The following DPP10 variants were observed in gnomAD, a reference collection of about 807,000 sequenced individuals.
The protein encoded by DPP10 is inactive dipeptidyl peptidase 10.
A neutral mutation model predicts 120.9 loss-of-function variants in DPP10; 33 were observed. That is an observed-to-expected ratio of 0.27 (90% CI 0.21 to 0.37). The LOEUF is 0.37. Ranked by LOEUF, DPP10 falls within the 10% of genes least tolerant of loss-of-function variation. The probability of loss-of-function intolerance (pLI) is 1.00; values close to 1 mark genes in which losing one functional copy is unlikely to be tolerated. For synonymous variants in DPP10, 337 were observed against 326.1 expected, an observed-to-expected ratio of 1.03 and a Z score of -0.36; for missense variants, 816 against 942.8, an observed-to-expected ratio of 0.87 and a Z score of 1.76.
At chr2:115,419,636 C>T (rs1199175358) in intron 3 of DPP10, among the ~76,000 whole-genome samples, 1 of 152,088 alleles carries the variant, frequency 6.6e-6, no homozygotes, top group Non-Finnish European at 1.5e-5. Context: ...GTATCAAATG[C>T]TTTACCCAAT....
chr2:115,522,571 C>T lies in DPP10; in HGVS notation c.367-3327C>T, dbSNP rs185344704. ...CATACCTTGTCTTTCTTGCTTAATT[C>T]ATCTAGTTAATCACCTGCATATTTG... On this transcript the variant is annotated intron_variant, in intron 4 of 25. Transcript: ENST00000410059. Among the ~76,000 whole-genome samples the T allele has an allele frequency of 3.2e-3, 481 of 152,298 alleles. 2 individuals carry two copies. The highest frequency in any genetic ancestry group is 5.2e-3 in the Admixed American group (79 of 15,290).
chr2:115,770,972 A>T (rs1047358504), intron 13 of DPP10, among the ~76,000 whole-genome samples: 3 of 152,140 alleles, frequency 2.0e-5, no homozygotes, highest in African/African-American at 7.2e-5. Context: ...ATTTAATTGT[A>T]TTCCTAATAT....
chr2:115,370,671 C>T (rs1372233887), intron 3 of DPP10, among the ~76,000 whole-genome samples: 2 of 152,136 alleles, frequency 1.3e-5, no homozygotes. Flanking sequence ...GCCTATTTTA[C>T]TGTCTATTTC....
At chr2:115,199,576 A>G (rs1395441348) in intron 1 of DPP10, among the ~76,000 whole-genome samples, 2 of 152,220 alleles carry the variant, frequency 1.3e-5, no homozygotes, top group Non-Finnish European at 2.9e-5. Flanking sequence ...AGAACAATGT[A>G]GCACTATCTT....
At chr2:114,763,114 G>GATCTTGAACACACCCTTGA (rs1279384367) in intron 1 of DPP10, among the ~76,000 whole-genome samples, 1 of 152,152 alleles carries the variant, frequency 6.6e-6, no homozygotes, top group Non-Finnish European at 1.5e-5. Context: ...ATTCTAGGAG[G>GATCTTGAACACACCCTTGA]ACGTGGTGTG....
intron 1 of DPP10, chr2:115,066,812 T>A (rs1039974430): frequency 6.6e-6 from 1 of 152,222 alleles, no homozygotes; most frequent in Non-Finnish European, 1.5e-5. Context: ...AAAATGTCTA[T>A]ATTTTCAGCA....
chr2:115,387,768 C>T (rs564070717), intron 3 of DPP10, among the ~76,000 whole-genome samples: 1 of 152,162 alleles, frequency 6.6e-6, no homozygotes, highest in East Asian at 1.9e-4. Context: ...AATACAAGCC[C>T]TGGGTCAGTG....
intron 1 of DPP10, among the ~76,000 whole-genome samples, chr2:115,282,588 C>T (rs1348920861): frequency 1.3e-5 from 2 of 152,022 alleles, no homozygotes; most frequent in African/African-American, 2.4e-5. Context: ...TTGGTGTTTA[C>T]AGCCAAGCAG....
At chr2:115,403,647 A>G (rs2068284437) in intron 3 of DPP10, among the ~76,000 whole-genome samples, 1 of 151,794 alleles carries the variant, frequency 6.6e-6, no homozygotes, top group Non-Finnish European at 1.5e-5. Context: ...TGATCCATCC[A>G]CCTGCTTCAG....
rs919919528 is a variant in DPP10, at chr2:115,844,796, G to C, written c.*2451G>C. 2.2e-4 allele frequency: 33 copies of C among 152,154 alleles called. No individual in the cohort carries two copies. The highest frequency in any genetic ancestry group is 7.7e-4 in the African/African-American group (32 of 41,448). 9.4% of individuals were successfully genotyped at this position (152,154 alleles called of 1,614,324 possible). A position where few individuals can be genotyped will look rare whatever the true frequency, so the allele number is the denominator to read the frequency against. ...AATTCTTTAATTAAATAGGTAAGCAGTATTAAATCATCCACAGAGATAAAC... is the reference window on the plus strand; with the variant it reads ...AATTCTTTAATTAAATAGGTAAGCACTATTAAATCATCCACAGAGATAAAC... On this transcript the variant is annotated 3_prime_UTR_variant, in exon 26 of 26. Transcript: ENST00000410059.
At chr2:115,464,480 G>T (rs1410068345) in intron 3 of DPP10, among the ~76,000 whole-genome samples, 1 of 151,818 alleles carries the variant, frequency 6.6e-6, no homozygotes, top group African/African-American at 2.4e-5. Context: ...CCTGACACCT[G>T]CCCTGTGTCT....
At chr2:115,223,596 TA>T (rs1413392570) in intron 1 of DPP10, among the ~76,000 whole-genome samples, 1 of 151,906 alleles carries the variant, frequency 6.6e-6, no homozygotes, top group Non-Finnish European at 1.5e-5. Flanking sequence ...CAGCTGAAAG[TA>T]AAGAAAATGA....
At chr2:115,685,313 G>A (rs756778225) in intron 5 of DPP10, among the ~76,000 whole-genome samples, 3 of 151,900 alleles carry the variant, frequency 2.0e-5, no homozygotes, top group Non-Finnish European at 2.9e-5. Context: ...CTTCGACTAA[G>A]TCAACTAGTA....
chr2:114,615,807 T>C (rs1693631696), intron 1 of DPP10, among the ~76,000 whole-genome samples: 1 of 152,132 alleles, frequency 6.6e-6, no homozygotes, highest in African/African-American at 2.4e-5. Context: ...TCAAAAATGA[T>C]TCTGAAATGT....
At chr2:114,990,481 G>A (rs1033318041) in intron 1 of DPP10, among the ~76,000 whole-genome samples, 1 of 151,808 alleles carries the variant, frequency 6.6e-6, no homozygotes, top group Non-Finnish European at 1.5e-5. Flanking sequence ...ATTTGTTTGT[G>A]ATTCTCCAGA....
chr2:115,257,920 TAAGAG>T (rs753610909), intron 1 of DPP10, among the ~76,000 whole-genome samples: 58 of 152,308 alleles, frequency 3.8e-4, no homozygotes, highest in South Asian at 8.3e-4. Context: ...GTTTTTTTGT[TAAGAG>T]AAGGATTCAA....
chr2:115,534,956 G>C (rs1469147905), intron 5 of DPP10, among the ~76,000 whole-genome samples: 2 of 150,806 alleles, frequency 1.3e-5, no homozygotes, highest in Non-Finnish European at 3.0e-5. Flanking sequence ...TTTTGATGGG[G>C]TTGTTTGTTT....
At chr2:114,803,431 C>A (rs1222266072) in intron 1 of DPP10, among the ~76,000 whole-genome samples, 6 of 152,098 alleles carry the variant, frequency 3.9e-5, no homozygotes, top group Admixed American at 6.5e-5. Flanking sequence ...GAGGTTGGAC[C>A]AGATTGGAGA....
intron 1 of DPP10, among the ~76,000 whole-genome samples, chr2:115,189,547 A>G (rs2054713508): frequency 6.6e-6 from 1 of 152,184 alleles, no homozygotes; most frequent in Admixed American, 6.5e-5. Context: ...TGACATACTG[A>G]TTCTTTGAAG....
Sources: allele counts gnomAD v4.1 joint callset (sites outside exome capture counted in the v4.1 genomes callset), GRCh38; gene constraint gnomAD v4.1.1; transcripts MANE v1.5; gene names NCBI Gene and HGNC (gene_info 2026-07-23, HGNC 2026-07-21).